The following PVT1 variants were observed in gnomAD, a reference collection of about 807,000 sequenced individuals.
The protein encoded by PVT1 is Pvt1 oncogene.
intron 1 of PVT1, among the ~76,000 whole-genome samples, chr8:127,795,349 G>A (rs1814381793): frequency 2.0e-5 from 3 of 152,184 alleles, no homozygotes; most frequent in Admixed American, 2.0e-4. Flanking sequence ...GTGGTTCTGG[G>A]TGTAGACTTT....
chr8:128,051,332 G>C (rs754553582), intron 4 of PVT1, among the ~76,000 whole-genome samples: 4 of 152,198 alleles, frequency 2.6e-5, no homozygotes, highest in Non-Finnish European at 4.4e-5. Flanking sequence ...CTGTGCCCAA[G>C]GAGAGGAGGA....
In PVT1 at chr8:127,832,425, A is replaced by G. The variant is rs551432528; in HGVS notation, n.372+36354A>G. On this transcript the variant is annotated intron_variant and non_coding_transcript_variant, in intron 2 of 10. Coordinates refer to ENST00000651587, the Ensembl canonical transcript of PVT1. ...TCAACCTGCTGACAGATAAGGTATC[A>G]TCAACAGGCATTTTTACTGTAGTAC... is the stretch of plus-strand genomic sequence containing the variant. 2.0e-5 allele frequency among the ~76,000 whole-genome samples: 3 copies of G among 152,352 alleles called. No homozygotes were observed. In the South Asian group the frequency reaches 6.2e-4, roughly 32 times the overall value.
intron 3 of PVT1, among the ~76,000 whole-genome samples, chr8:127,894,727 T>C (rs553355672): frequency 6.6e-6 from 1 of 152,374 alleles, no homozygotes; most frequent in South Asian, 2.1e-4. Flanking sequence ...ATACTATTAG[T>C]GACATGTGGA....
At chr8:127,816,027 G>A (rs1308726217) in intron 2 of PVT1, among the ~76,000 whole-genome samples, 3 of 152,194 alleles carry the variant, frequency 2.0e-5, no homozygotes, top group Non-Finnish European at 4.4e-5. Context: ...AGCAGGCTGA[G>A]GGAGGAGAAT....
intron 4 of PVT1, among the ~76,000 whole-genome samples, chr8:127,992,650 C>T (rs1166212547): frequency 1.3e-5 from 2 of 152,222 alleles, no homozygotes; most frequent in African/African-American, 2.4e-5. Flanking sequence ...GTTTGTTTCT[C>T]CTTCCAGCTC....
chr8:127,884,161 CAGG>C (rs1467415459), intron 2 of PVT1, among the ~76,000 whole-genome samples: 1 of 152,196 alleles, frequency 6.6e-6, no homozygotes. Context: ...GTCAGTCACT[CAGG>C]AGAACTTTGT....
chr8:128,021,010 A>G (rs567212550), intron 4 of PVT1, among the ~76,000 whole-genome samples: 87 of 152,208 alleles, frequency 5.7e-4, no homozygotes, highest in African/African-American at 2.0e-3. Flanking sequence ...TACCACTGCA[A>G]TGTGGGCCTT....
intron 6 of PVT1, chr8:128,100,841 C>G (rs4526320): frequency 0.39 from 59,447 of 151,960 alleles, 14,253 homozygotes; most frequent in Non-Finnish European, 0.54. Context: ...AGGGGGCCAT[C>G]AGGGTGCGGG....
intron 2 of PVT1, among the ~76,000 whole-genome samples, chr8:127,862,932 C>T (rs1815243801): frequency 6.6e-6 from 1 of 151,920 alleles, no homozygotes; most frequent in African/African-American, 2.4e-5. Context: ...ACAGTAAGTC[C>T]CCTTTGTTAG....
intron 3 of PVT1, among the ~76,000 whole-genome samples, chr8:127,891,773 G>A (rs757315961): frequency 8.5e-5 from 13 of 152,242 alleles, no homozygotes; most frequent in Admixed American, 6.5e-4. Context: ...GCTGGTTGGC[G>A]TGGACAGTTG....
chr8:127,986,129 CCTT>C (rs1457763761), intron 3 of PVT1, among the ~76,000 whole-genome samples: 1 of 152,220 alleles, frequency 6.6e-6, no homozygotes, highest in African/African-American at 2.4e-5. Context: ...GTGCAATTCA[CCTT>C]CTGATTGGAG....
chr8:127,853,398 A>G (rs1278639682), intron 2 of PVT1, among the ~76,000 whole-genome samples: 2 of 152,132 alleles, frequency 1.3e-5, no homozygotes, highest in African/African-American at 4.8e-5. Flanking sequence ...GGGCCTCTTT[A>G]GCTCAGTCCA....
At chr8:127,845,013 G>T (rs1156379733) in intron 2 of PVT1, among the ~76,000 whole-genome samples, 1 of 152,174 alleles carries the variant, frequency 6.6e-6, no homozygotes, top group Non-Finnish European at 1.5e-5. Context: ...ACGCCCGGCC[G>T]GAGGTGTGTT....
intron 2 of PVT1, among the ~76,000 whole-genome samples, chr8:127,847,668 C>A (rs115181869): frequency 1.3e-5 from 2 of 152,122 alleles, no homozygotes; most frequent in African/African-American, 4.8e-5. Context: ...TGCACAAACA[C>A]GGGGAGATCT....
At chr8:127,811,158 G>T (rs1432889823) in intron 2 of PVT1, among the ~76,000 whole-genome samples, 2 of 152,172 alleles carry the variant, frequency 1.3e-5, no homozygotes, top group Non-Finnish European at 2.9e-5. Flanking sequence ...AGAGGCTGCT[G>T]TTAGATTCCA....
At chr8:127,973,398 T>C (rs10086182) in intron 3 of PVT1, among the ~76,000 whole-genome samples, 116,029 of 152,136 alleles carry the variant, frequency 0.76, 44,610 homozygotes, top group South Asian at 0.89. Context: ...AGTTCTGAAA[T>C]GTCCCCATTT....
intron 3 of PVT1, among the ~76,000 whole-genome samples, chr8:127,961,943 A>T (rs1256732180): frequency 6.6e-6 from 1 of 152,198 alleles, no homozygotes; most frequent in African/African-American, 2.4e-5. Flanking sequence ...TGCATTCTCC[A>T]GGTTTGTTGT....
intron 2 of PVT1, among the ~76,000 whole-genome samples, chr8:127,846,980 C>A (rs1361846731): frequency 1.6e-5 from 1 of 62,428 alleles, no homozygotes; most frequent in Non-Finnish European, 2.9e-5. Context: ...TGCACATGGC[C>A]TTTTTTTTTT....
chr8:127,896,687 G>A (rs759092634), intron 3 of PVT1, among the ~76,000 whole-genome samples: 141 of 151,756 alleles, frequency 9.3e-4, no homozygotes, highest in Non-Finnish European at 1.6e-3. Context: ...CATGGTAGAC[G>A]TGTGCCATGT....
Sources: gnomAD v4.1 joint callset for allele counts (sites outside exome capture counted in the v4.1 genomes callset) on GRCh38, gnomAD v4.1.1 for gene constraint, MANE v1.5 for transcripts, NCBI Gene and HGNC (gene_info 2026-07-23, HGNC 2026-07-21) for gene names.